CAMK2D: variants seen among roughly 807,000 people sequenced by gnomAD.
CAMK2D encodes calcium/calmodulin dependent protein kinase II delta.
CAMK2D carries 37 observed loss-of-function variants against 84.0 expected under a neutral mutation model. The ratio of observed to expected loss-of-function variants is 0.44; its 90% CI spans 0.34 to 0.58. CAMK2D has a LOEUF of 0.58. CAMK2D is among the 20% of genes least tolerant of loss of function. CAMK2D has a pLI of 0.02. For synonymous variants in CAMK2D, 202 were observed against 212.5 expected, an observed-to-expected ratio of 0.95 and a Z score of 0.43; for missense variants, 448 against 652.5, an observed-to-expected ratio of 0.69 and a Z score of 3.41.
At chr4:113,563,464 C>T (rs1164160406) in intron 4 of CAMK2D, among the ~76,000 whole-genome samples, 1 of 152,012 alleles carries the variant, frequency 6.6e-6, no homozygotes, top group African/African-American at 2.4e-5. Context: ...TTGGTTCTTC[C>T]TATATTTTCT....
intron 2 of CAMK2D, among the ~76,000 whole-genome samples, chr4:113,729,296 C>A (rs761131845): frequency 4.3e-4 from 66 of 152,156 alleles, no homozygotes; most frequent in Non-Finnish European, 5.0e-4. Context: ...ATTTGGCTGA[C>A]CATGCTCTCT....
intron 2 of CAMK2D, among the ~76,000 whole-genome samples, chr4:113,663,719 T>A (rs1053072307): frequency 2.0e-5 from 3 of 151,074 alleles, no homozygotes; most frequent in African/African-American, 7.3e-5. Flanking sequence ...TTTTTTTATA[T>A]ATATAAATCA....
chr4:113,519,436 G>C (rs534354429), intron 8 of CAMK2D, among the ~76,000 whole-genome samples: 1 of 152,088 alleles, frequency 6.6e-6, no homozygotes, highest in African/African-American at 2.4e-5. Context: ...GTTTGATGGA[G>C]GAGTGTTTAC....
chr4:113,462,711 T>C (rs1172848779), intron 17 of CAMK2D, among the ~76,000 whole-genome samples: 1 of 152,142 alleles, frequency 6.6e-6, no homozygotes, highest in Non-Finnish European at 1.5e-5. Context: ...TATATAACAG[T>C]AGTATCTGTT....
At position 113,741,584 on chromosome 4, in the gene CAMK2D, C is replaced by T. The variant is rs186772475; in HGVS notation, c.160+17736G>A. On this transcript the variant is annotated intron_variant, in intron 2 of 20. Coordinates refer to ENST00000511664, the MANE Select transcript of CAMK2D (RefSeq NM_001321571.2). ...CGTATCCCCCAGAGACAAGGGGAGA[C>T]TACTATAGTCTTGCTTTCACTCACA... Among the ~76,000 whole-genome samples, 382 of 152,254 alleles carry T rather than the reference C, an allele frequency of 2.5e-3. 1 individual carries two copies. The highest frequency in any genetic ancestry group is 6.8e-3 in the Middle Eastern group (2 of 294).
chr4:113,687,113 G>A (rs193123448), intron 2 of CAMK2D, among the ~76,000 whole-genome samples: 7 of 152,146 alleles, frequency 4.6e-5, no homozygotes, highest in African/African-American at 1.7e-4. Context: ...TGATATGGTC[G>A]TGACCTTTCT....
chr4:113,664,241 A>G (rs889196784), intron 2 of CAMK2D, among the ~76,000 whole-genome samples: 3 of 152,226 alleles, frequency 2.0e-5, no homozygotes, highest in Non-Finnish European at 4.4e-5. Context: ...AGCCCTATCA[A>G]ACTAATACAT....
At chr4:113,719,553 T>G (rs565780294) in intron 2 of CAMK2D, among the ~76,000 whole-genome samples, 1 of 152,354 alleles carries the variant, frequency 6.6e-6, no homozygotes, top group East Asian at 1.9e-4. Context: ...AATTTGTCTT[T>G]TGACAATCCT....
intron 18 of CAMK2D, among the ~76,000 whole-genome samples, chr4:113,459,249 C>T (rs1286948306): frequency 4.6e-5 from 7 of 152,058 alleles, no homozygotes; most frequent in East Asian, 1.9e-4. Flanking sequence ...GACAGGGTCT[C>T]GTTCTGTCAC....
chr4:113,526,565 T>C (rs1433813461), intron 8 of CAMK2D, among the ~76,000 whole-genome samples: 1 of 152,062 alleles, frequency 6.6e-6, no homozygotes, highest in Non-Finnish European at 1.5e-5. Context: ...TTTTCCCTCT[T>C]CCAGACAAGA....
At chr4:113,578,668 T>C (rs994224544) in intron 4 of CAMK2D, among the ~76,000 whole-genome samples, 1 of 144,746 alleles carries the variant, frequency 6.9e-6, no homozygotes, top group Admixed American at 7.1e-5. Flanking sequence ...ATAAGCAGTT[T>C]TTCACAGAGC....
chr4:113,734,402 A>C (rs963853344), intron 2 of CAMK2D, among the ~76,000 whole-genome samples: 1 of 152,198 alleles, frequency 6.6e-6, no homozygotes, highest in African/African-American at 2.4e-5. Context: ...CACAATTTAC[A>C]AATTTGCAAA....
chr4:113,543,878 G>A (rs191573672), intron 6 of CAMK2D, among the ~76,000 whole-genome samples: 52 of 151,878 alleles, frequency 3.4e-4, no homozygotes, highest in Admixed American at 9.2e-4. Flanking sequence ...TGCAAGCTCC[G>A]CCTCCTGGGT....
At chr4:113,554,542 C>T (rs926862016) in intron 4 of CAMK2D, among the ~76,000 whole-genome samples, 12 of 152,120 alleles carry the variant, frequency 7.9e-5, no homozygotes, top group South Asian at 2.1e-4. Context: ...AGTATTCATT[C>T]GTCCCATTAT....
At chr4:113,754,405 T>C (rs1026067680) in intron 2 of CAMK2D, 4 of 969,502 alleles carry the variant, frequency 4.1e-6, no homozygotes, top group African/African-American at 3.5e-5. Flanking sequence ...GCCCAGTACA[T>C]GTAAGATTTC....
intron 3 of CAMK2D, among the ~76,000 whole-genome samples, chr4:113,626,332 T>C (rs965442702): frequency 3.9e-5 from 6 of 152,210 alleles, no homozygotes; most frequent in Non-Finnish European, 8.8e-5. Flanking sequence ...TTGGCCTACC[T>C]GAATATACCA....
rs181807416 is a variant in CAMK2D, at chr4:113,615,967, A to G, written c.221-6761T>C. 4.6e-3 allele frequency among the ~76,000 whole-genome samples: 695 copies of G among 152,206 alleles called. 3 individuals are homozygous for G. The highest frequency in any genetic ancestry group is 7.6e-3 in the Non-Finnish European group (519 of 67,976). On this transcript the variant is annotated intron_variant, in intron 3 of 20. Transcript: ENST00000511664. ...TACATAAGGGATATGTATTTTTGAA[A>G]AACTATTTAGCAATATGCCCCATTT...
chr4:113,454,777 C>G (rs1331578981), intron 20 of CAMK2D, among the ~76,000 whole-genome samples: 3 of 152,140 alleles, frequency 2.0e-5, no homozygotes, highest in Non-Finnish European at 4.4e-5. Flanking sequence ...GACAGAGACA[C>G]AGTCTTCAGT....
At chr4:113,632,216 T>C (rs2099092612) in intron 3 of CAMK2D, among the ~76,000 whole-genome samples, 1 of 152,238 alleles carries the variant, frequency 6.6e-6, no homozygotes, top group East Asian at 1.9e-4. Context: ...TATATGTGTG[T>C]GTATTATCAT....
Sources: allele counts gnomAD v4.1 joint callset (sites outside exome capture counted in the v4.1 genomes callset), GRCh38; gene constraint gnomAD v4.1.1; transcripts MANE v1.5; gene names NCBI Gene and HGNC (gene_info 2026-07-23, HGNC 2026-07-21).